Variants in KCNC4 observed in about 807,000 individuals in gnomAD.
KCNC4 encodes voltage-gated potassium channel KCNC4.
In KCNC4, 23 loss-of-function variants were observed where a neutral mutation model predicts 42.8. The ratio of observed to expected loss-of-function variants is 0.54; its 90% confidence interval spans 0.39 to 0.76. KCNC4 has a LOEUF of 0.76. Among genes scored for constraint, KCNC4 ranks in the 30% least tolerant of loss-of-function variants. The pLI is 0.00. For synonymous variants in KCNC4, 422 were observed against 393.5 expected (o/e 1.07, Z -0.86); for missense variants, 751 against 898.2 (o/e 0.84, Z 2.10).
intron 1 of KCNC4, among the ~76,000 whole-genome samples, chr1:110,266,291 C>T (rs919505220): frequency 2.6e-5 from 4 of 152,114 alleles, no homozygotes; most frequent in Non-Finnish European, 5.9e-5. Flanking sequence ...CATTCATAGC[C>T]GCAACACCGA....
chr1:110,269,857 C>T (rs983080823), intron 1 of KCNC4, among the ~76,000 whole-genome samples: 8 of 152,148 alleles, frequency 5.3e-5, no homozygotes, highest in Non-Finnish European at 1.0e-4. Flanking sequence ...TCAGGTATTG[C>T]CAGTTTCCCC....
chr1:110,267,416 G>A (rs769144609), intron 1 of KCNC4, among the ~76,000 whole-genome samples: 1 of 152,054 alleles, frequency 6.6e-6, no homozygotes, highest in Non-Finnish European at 1.5e-5. Flanking sequence ...TACGAGGCCC[G>A]TCCTTATTCC....
intron 2 of KCNC4, chr1:110,224,115 G>A: frequency 3.5e-6 from 2 of 570,320 alleles, no homozygotes; most frequent in Non-Finnish European, 6.2e-6. Flanking sequence ...TTTGGAGTGA[G>A]TATTCCACCC....
At chr1:110,267,715 T>C (rs770251974) in intron 1 of KCNC4, among the ~76,000 whole-genome samples, 1 of 152,210 alleles carries the variant, frequency 6.6e-6, no homozygotes, top group Non-Finnish European at 1.5e-5. Context: ...TGAAATCGCC[T>C]TTGCAGAATT....
At chr1:110,244,606 A>G (rs1659104000) in exon 4 of KCNC4, 1 of 152,188 alleles carries the variant, frequency 6.6e-6, no homozygotes, top group Non-Finnish European at 1.5e-5. Context: ...CCCCCAACAC[A>G]CAATATGAAG....
At chr1:110,268,137 T>G (rs1175809114) in intron 1 of KCNC4, among the ~76,000 whole-genome samples, 4 of 152,234 alleles carry the variant, frequency 2.6e-5, no homozygotes, top group African/African-American at 9.6e-5. Flanking sequence ...TTTTGAGATT[T>G]TTTTTCAGAT....
In KCNC4 at chr1:110,211,085, C is replaced by T. The variant is rs116039057; in HGVS notation, c.-415C>T. ...GTGCGGTCTTGGAGCCGGAGGGTGG[C>T]CCGTGTGAGCGCGAGCGCCCCGGAC... On this transcript the variant is annotated 5_prime_UTR_variant, in exon 1 of 4. Transcript: ENST00000438661. The surrounding 1 kb of genome is among the most constrained non-coding windows in gnomAD (Gnocchi z 6.5). Among the ~76,000 whole-genome samples the T allele has an allele frequency of 6.0e-3, 911 of 152,354 alleles. 11 individuals are homozygous for T. Among genetic ancestry groups the T allele is most frequent in the African/African-American group, 0.021 (866 of 41,574 alleles).
Position 110,211,953 on chromosome 1 carries a change from C to G in KCNC4, c.454C>G (p.Arg152Gly). 1 of 1,611,296 alleles carries G rather than the reference C, an allele frequency of 6.2e-7. No homozygotes were observed. The highest frequency in any genetic ancestry group is 8.5e-7 in the Non-Finnish European group (1 of 1,179,716). The change falls in exon 1 of 4, where the codon CGC becomes GGC. Residue 152 changes from arginine to glycine, a missense_variant. Coordinates refer to ENST00000438661, the MANE Select transcript of KCNC4 (RefSeq NM_001039574.3). The surrounding 1 kb of genome is among the most constrained non-coding windows in gnomAD (Gnocchi z 6.5). ...PCCWMTYRQHRDAEEALDIFE... is the reference protein window; with the variant it reads ...PCCWMTYRQHGDAEEALDIFE... ...CTGCTGGATGACCTACCGGCAGCAC[C>G]GCGACGCCGAGGAGGCGCTCGACAT...
At chr1:110,262,902 T>C (rs1371575052) in intron 1 of KCNC4, among the ~76,000 whole-genome samples, 1 of 152,206 alleles carries the variant, frequency 6.6e-6, no homozygotes, top group Non-Finnish European at 1.5e-5. Flanking sequence ...TTCCCGCCTG[T>C]CAAGCCTTGA....
At chr1:110,264,824 G>A (rs1242936103) in intron 1 of KCNC4, among the ~76,000 whole-genome samples, 2 of 152,180 alleles carry the variant, frequency 1.3e-5, no homozygotes, top group Non-Finnish European at 2.9e-5. Flanking sequence ...GCTCATGCCT[G>A]TAATTCCAGC....
downstream of KCNC4, chr1:110,236,793 C>T (rs1010750735): frequency 6.6e-6 from 1 of 152,148 alleles, no homozygotes; most frequent in Non-Finnish European, 1.5e-5. Context: ...AACCTGATCC[C>T]AACTACCAGG....
At chr1:110,268,758 C>T (rs140509351) in intron 1 of KCNC4, among the ~76,000 whole-genome samples, 3,316 of 143,480 alleles carry the variant, frequency 0.023, 68 homozygotes, top group South Asian at 0.062. Context: ...GACGGAGTCT[C>T]GCTGTGTCAC....
intron 1 of KCNC4, among the ~76,000 whole-genome samples, chr1:110,255,772 G>A (rs1289536610): frequency 2.6e-5 from 4 of 152,202 alleles, no homozygotes; most frequent in East Asian, 1.9e-4. Context: ...GAAGGCAAAC[G>A]ATGGCAGAGG....
At position 110,223,044 on chromosome 1, in the gene KCNC4, C is replaced by T. The variant is rs527490251; in HGVS notation, c.759C>T (p.Ile253=). The change falls in exon 2 of 4, where the codon ATC becomes ATT. Residue 253 remains isoleucine (I), a synonymous_variant. Transcript: ENST00000438661. The surrounding 1 kb of genome is among the most constrained non-coding windows in gnomAD (Gnocchi z 7.5). ...FCLETHEAFN[I]DRNVTEILRV... is the part of the protein sequence containing the mutation. ...TGGAGACCCATGAGGCCTTTAATAT[C>T]GACCGCAACGTGACAGAGATCCTCC... 9 of 1,614,162 alleles carry T rather than the reference C, an allele frequency of 5.6e-6. No homozygotes were observed. The highest frequency in any genetic ancestry group is 3.3e-5 in the South Asian group (3 of 91,076).
chr1:110,235,910 C>T (rs933664290), downstream of KCNC4: 2 of 152,200 alleles, frequency 1.3e-5, no homozygotes, highest in African/African-American at 2.4e-5. Context: ...ACGTCTATTT[C>T]CTCATCTTTT....
chr1:110,275,232 A>T (rs1256868730), intron 1 of KCNC4, among the ~76,000 whole-genome samples: 1 of 152,244 alleles, frequency 6.6e-6, no homozygotes. Flanking sequence ...GAAGACATAC[A>T]AATGGCCAAG....
chr1:110,212,226 C>CGTGGTGG, intron 1 of KCNC4, 49 bp downstream of exon 1: 3 of 1,396,182 alleles, frequency 2.1e-6, no homozygotes, highest in Non-Finnish European at 2.8e-6. Context: ...GCAAGGGGTC[C>CGTGGTGG]GTGGTGGGTG....
chr1:110,217,412 A>C (rs147290239), intron 1 of KCNC4, among the ~76,000 whole-genome samples: 32 of 152,236 alleles, frequency 2.1e-4, no homozygotes, highest in African/African-American at 7.7e-4. Context: ...AAATAAATAA[A>C]ATTTCCATGT....
chr1:110,212,196 T>G lies in KCNC4; in HGVS notation c.678+19T>G, dbSNP rs912245559. The G allele has an allele frequency of 6.9e-7, 1 of 1,455,746 alleles. No individual in the cohort carries two copies. The highest frequency in any genetic ancestry group is 1.5e-5 in the African/African-American group (1 of 67,372). The allele number at this position is 1,455,746 out of a possible 1,614,324, so 90.2% of individuals were successfully genotyped here. A position where few individuals can be genotyped will look rare whatever the true frequency, so the allele number is the denominator to read the frequency against. Reference sequence around the variant, plus strand: ...CGCTAGGGTGAGTGGCAGGAGCCCGTGTCTCCCCATCTTGGGTCTGCAAGG... The same window carrying G: ...CGCTAGGGTGAGTGGCAGGAGCCCGGGTCTCCCCATCTTGGGTCTGCAAGG... On this transcript the variant is annotated intron_variant, in intron 1 of 3. Coordinates refer to ENST00000438661, the MANE Select transcript of KCNC4 (RefSeq NM_001039574.3).
Sources: allele counts gnomAD v4.1 joint callset (sites outside exome capture counted in the v4.1 genomes callset), GRCh38; gene constraint gnomAD v4.1.1; non-coding constraint Gnocchi (gnomAD v3.1); transcripts MANE v1.5; gene names NCBI Gene and HGNC (gene_info 2026-07-23, HGNC 2026-07-21).